PSD3: variants seen among roughly 807,000 people sequenced by gnomAD.
PSD3 encodes the protein PH and SEC7 domain-containing protein 3.
In PSD3, 49 loss-of-function variants were observed where a neutral mutation model predicts 105.5. That is an observed-to-expected ratio of 0.46 (90% CI 0.37 to 0.59). PSD3 has a LOEUF of 0.59. Ranked by LOEUF, PSD3 falls within the 20% of genes least tolerant of loss-of-function variation. The pLI is 0.00. For synonymous variants in PSD3, 557 were observed against 457.8 expected, an observed-to-expected ratio of 1.22 and a Z score of -2.77; for missense variants, 1,561 against 1,263.8, an observed-to-expected ratio of 1.24 and a Z score of -3.57.
intron 1 of PSD3, among the ~76,000 whole-genome samples, chr8:18,950,017 T>C (rs1281199084): frequency 1.3e-5 from 2 of 152,216 alleles, no homozygotes; most frequent in East Asian, 3.8e-4. Context: ...GACTTTCCAC[T>C]GCGAAATTCT....
chr8:18,893,607 C>T (rs943551275), intron 2 of PSD3, among the ~76,000 whole-genome samples: 2 of 152,106 alleles, frequency 1.3e-5, no homozygotes, highest in African/African-American at 4.8e-5. Context: ...ATGAGGGTAT[C>T]GGTGGGCTAG....
At chr8:18,986,783 G>A (rs964764571) in intron 1 of PSD3, among the ~76,000 whole-genome samples, 4 of 152,148 alleles carry the variant, frequency 2.6e-5, no homozygotes, top group African/African-American at 9.7e-5. Context: ...ATTAAGGGAA[G>A]ACCAAGATGA....
At chr8:18,625,187 TACAC>T (rs3042894) in intron 11 of PSD3, among the ~76,000 whole-genome samples, 8,786 of 149,160 alleles carry the variant, frequency 0.059, 299 homozygotes, top group African/African-American at 0.099. Context: ...AGGTGGGGAA[TACAC>T]ACACACACAC....
upstream of PSD3, among the ~76,000 whole-genome samples, chr8:19,017,951 T>A (rs1827229840): frequency 6.6e-6 from 1 of 152,234 alleles, no homozygotes. Context: ...GGTTATATCG[T>A]GACTGTATAA....
At chr8:18,976,331 T>C (rs1824943072) in intron 1 of PSD3, among the ~76,000 whole-genome samples, 1 of 152,184 alleles carries the variant, frequency 6.6e-6, no homozygotes, top group Non-Finnish European at 1.5e-5. Context: ...AAATTACAAA[T>C]TACATTGAAA....
At chr8:18,824,496 TA>T (rs1027859788) in intron 4 of PSD3, among the ~76,000 whole-genome samples, 1 of 152,176 alleles carries the variant, frequency 6.6e-6, no homozygotes, top group Non-Finnish European at 1.5e-5. Flanking sequence ...CTGTGGGGAT[TA>T]AACAAAATCA....
intron 9 of PSD3, among the ~76,000 whole-genome samples, chr8:18,661,548 A>G (rs1052092454): frequency 3.3e-5 from 5 of 152,230 alleles, no homozygotes; most frequent in African/African-American, 1.2e-4. Context: ...GCCTTAAAAT[A>G]ATATTGAAAA....
At chr8:18,807,337 A>G (rs1811290076) in intron 4 of PSD3, among the ~76,000 whole-genome samples, 1 of 152,182 alleles carries the variant, frequency 6.6e-6, no homozygotes, top group Non-Finnish European at 1.5e-5. Flanking sequence ...GATTAGAAGG[A>G]GTTAACTGTC....
intron 2 of PSD3, among the ~76,000 whole-genome samples, chr8:18,931,092 T>C (rs1264896421): frequency 2.0e-5 from 3 of 152,174 alleles, no homozygotes; most frequent in African/African-American, 7.2e-5. Context: ...ATATCTTCTT[T>C]GGTGAAGTAT....
intron 1 of PSD3, among the ~76,000 whole-genome samples, chr8:18,944,025 C>T (rs1381820685): frequency 6.6e-6 from 1 of 152,140 alleles, no homozygotes; most frequent in African/African-American, 2.4e-5. Flanking sequence ...AGAGCTTCCA[C>T]GTGGCTATTA....
intron 14 of PSD3, among the ~76,000 whole-genome samples, chr8:18,563,955 T>C (rs1468357076): frequency 6.6e-6 from 1 of 152,276 alleles, no homozygotes; most frequent in East Asian, 1.9e-4. Context: ...CCAGGCAAGA[T>C]GACCCACTGC....
At chr8:19,047,051 C>T (rs1828344716) in intron 1 of PSD3, among the ~76,000 whole-genome samples, 5 of 151,074 alleles carry the variant, frequency 3.3e-5, no homozygotes. Context: ...CTCTGCATAT[C>T]CCACTCCCTC....
At chr8:18,720,623 C>T (rs1214095268) in intron 9 of PSD3, among the ~76,000 whole-genome samples, 3 of 152,132 alleles carry the variant, frequency 2.0e-5, no homozygotes, top group East Asian at 3.9e-4. Flanking sequence ...TACAGAAGTA[C>T]ATACTGAATG....
At chr8:18,613,956 G>A (rs1805465106) in intron 11 of PSD3, among the ~76,000 whole-genome samples, 2 of 152,134 alleles carry the variant, frequency 1.3e-5, no homozygotes, top group Non-Finnish European at 2.9e-5. Context: ...AAAACAACTT[G>A]TGTAATCCTT....
At chr8:18,838,524 G>A (rs1266916727) in intron 4 of PSD3, among the ~76,000 whole-genome samples, 3 of 152,092 alleles carry the variant, frequency 2.0e-5, no homozygotes, top group African/African-American at 7.2e-5. Flanking sequence ...TGTTCCGGCT[G>A]AGCGTGGTGG....
At position 18,872,402 on chromosome 8, in the gene PSD3, C is replaced by T; in HGVS notation, c.462G>A (p.Lys154=). The T allele has an allele frequency of 6.2e-7, 1 of 1,614,184 alleles. No homozygotes were observed. Among genetic ancestry groups the T allele is most frequent in the Non-Finnish European group, 8.5e-7 (1 of 1,180,034 alleles). ...RIISGTLQAT[K]VLDQDAVSSF... The stretch of plus-strand genomic sequence containing the variant: ...TAGAAACAGCATCTTGGTCCAGTAC[C>T]TTTGTAGCCTGTAATGTTCCGGAAA... Residue 154 remains lysine, a synonymous_variant, in exon 3 of 16, where the codon AAG becomes AAA. Transcript: ENST00000327040.
At chr8:18,938,004 T>C (rs1375347502) in intron 1 of PSD3, among the ~76,000 whole-genome samples, 2 of 152,106 alleles carry the variant, frequency 1.3e-5, no homozygotes, top group Admixed American at 6.5e-5. Context: ...AGCAAGTGAG[T>C]GGGCAAGTTT....
chr8:19,017,359 C>A (rs916597673), upstream of PSD3, among the ~76,000 whole-genome samples: 1 of 152,160 alleles, frequency 6.6e-6, no homozygotes, highest in African/African-American at 2.4e-5. Flanking sequence ...TGGCTACATA[C>A]TCTTGATAAT....
chr8:19,074,087 G>A (rs771427739), intron 1 of PSD3, among the ~76,000 whole-genome samples: 6 of 152,054 alleles, frequency 3.9e-5, no homozygotes, highest in Non-Finnish European at 8.8e-5. Flanking sequence ...ACCGCGCCCC[G>A]CAGCCCAGAA....
Sources: gnomAD v4.1 joint callset for allele counts (sites outside exome capture counted in the v4.1 genomes callset) on GRCh38, gnomAD v4.1.1 for gene constraint, MANE v1.5 for transcripts, NCBI Gene and HGNC (gene_info 2026-07-23, HGNC 2026-07-21) for gene names.